NCOR2: variants seen among roughly 807,000 people sequenced by gnomAD.
The protein encoded by NCOR2 is nuclear receptor corepressor 2, also known as CTG repeat protein 26.
In NCOR2, 81 loss-of-function variants were observed where a neutral mutation model predicts 262.9. The observed-to-expected ratio is 0.31, with a 90% CI of 0.26 to 0.37. The LOEUF (loss-of-function observed/expected upper bound fraction) is 0.37, where lower values mean the gene tolerates loss of function less well. NCOR2 is among the 10% of genes least tolerant of loss of function. NCOR2 has a pLI of 1.00. For synonymous variants in NCOR2, 1,659 were observed against 1,559.3 expected, an observed-to-expected ratio of 1.06 and a Z score of -1.51; for missense variants, 3,385 against 3,621.4, an observed-to-expected ratio of 0.93 and a Z score of 1.68.
At chr12:124,379,932 AG>A (rs1374882197) in intron 17 of NCOR2, among the ~76,000 whole-genome samples, 1 of 152,250 alleles carries the variant, frequency 6.6e-6, no homozygotes, top group African/African-American at 2.4e-5. Context: ...AGTCGCTGGA[AG>A]ACGGAAGAGG....
Position 124,325,556 on chromosome 12 carries a change from AG to A in NCOR2, c.7390del (p.Leu2464Ter). The stretch of plus-strand genomic sequence containing the variant: ...GACACCCGCCTGCAGCCGCATGATC[AG>A]GGGGTTGTAGGGGAATGGCGTGGAA... On this transcript the variant is annotated frameshift_variant, in exon 47 of 47. Transcript: ENST00000405201. LOFTEE classifies it high-confidence loss of function. The A allele has an allele frequency of 7.6e-7, 1 of 1,316,954 alleles. No homozygotes were observed. Among genetic ancestry groups the A allele is most frequent in the Non-Finnish European group, 9.8e-7 (1 of 1,024,446 alleles). The allele number at this position is 1,316,954 out of a possible 1,614,324, so 81.6% of individuals were successfully genotyped here.
intron 13 of NCOR2, among the ~76,000 whole-genome samples, chr12:124,411,399 G>A (rs1386459396): frequency 5.9e-5 from 9 of 152,312 alleles, no homozygotes; most frequent in African/African-American, 1.7e-4. Flanking sequence ...AGTCGGGGGC[G>A]GAGCCTCGGC....
intron 1 of NCOR2, among the ~76,000 whole-genome samples, chr12:124,515,726 ATGTT>A (rs912231377): frequency 6.6e-6 from 1 of 150,592 alleles, no homozygotes; most frequent in African/African-American, 2.4e-5. Flanking sequence ...TATGGTGTGT[ATGTT>A]CACAAGTGTG....
intron 13 of NCOR2, among the ~76,000 whole-genome samples, chr12:124,418,671 G>C (rs1021942633): frequency 6.6e-6 from 1 of 151,702 alleles, no homozygotes; most frequent in African/African-American, 2.4e-5. Context: ...CACAAAGTGG[G>C]CTTTAGGCCT....
intron 38 of NCOR2, 149 bp downstream of exon 40, chr12:124,336,604 C>T: frequency 6.9e-7 from 1 of 1,457,264 alleles, no homozygotes; most frequent in East Asian, 2.6e-5. Context: ...ATCTTTGGAC[C>T]ACGAGACGGG....
intron 16 of NCOR2, among the ~76,000 whole-genome samples, chr12:124,396,697 C>T (rs1049421100): frequency 1.3e-5 from 2 of 151,956 alleles, no homozygotes; most frequent in Admixed American, 1.3e-4. Flanking sequence ...AGACTGCCCC[C>T]GGAGGAGCTC....
chr12:124,530,100 C>T (rs1289259402), intron 1 of NCOR2: 1 of 152,118 alleles, frequency 6.6e-6, no homozygotes, highest in Non-Finnish European at 1.5e-5. Context: ...TGTAATATAT[C>T]CACAGAATGA....
chr12:124,531,530 G>T lies in NCOR2; in HGVS notation c.-118+4035C>A, dbSNP rs1329040154. Among the ~76,000 whole-genome samples, 1 of 152,170 alleles carries T rather than the reference G, an allele frequency of 6.6e-6. No individual in the cohort carries two copies. Among genetic ancestry groups the T allele is most frequent in the African/African-American group, 2.4e-5 (1 of 41,432 alleles). ...GGGGTAGGGAGCAGGAAGGAAGGGG[G>T]AGGGGAGGAAGGGATTGCAGGGAGC... On this transcript the variant is annotated intron_variant, in intron 1 of 46. Transcript: ENST00000404621. This position sits in a 1 kb window ranked among gnomAD's most constrained non-coding sequence, Gnocchi z 4.5.
At chr12:124,379,568 G>T (rs1342788219) in intron 17 of NCOR2, among the ~76,000 whole-genome samples, 3 of 152,170 alleles carry the variant, frequency 2.0e-5, no homozygotes, top group Non-Finnish European at 4.4e-5. Flanking sequence ...CCACAGCCTG[G>T]TGTGACGGGG....
chr12:124,458,101 A>C (rs568693630), intron 5 of NCOR2, among the ~76,000 whole-genome samples: 1 of 152,256 alleles, frequency 6.6e-6, no homozygotes, highest in African/African-American at 2.4e-5. Context: ...ACTCAGCTGC[A>C]TTGGGGCAGC....
chr12:124,404,959 G>C (rs923804569), intron 13 of NCOR2, among the ~76,000 whole-genome samples: 5 of 152,242 alleles, frequency 3.3e-5, no homozygotes, highest in Non-Finnish European at 7.3e-5. Flanking sequence ...AAAGCTTCGA[G>C]GTCTCGGAGC....
At position 124,432,476 on chromosome 12, in the gene NCOR2, C is replaced by G. The variant is rs2136367532; in HGVS notation, c.883-1689G>C. 6.6e-6 allele frequency among the ~76,000 whole-genome samples: 1 copy of G among 152,284 alleles called. No individual in the cohort carries two copies. The highest frequency in any genetic ancestry group is 1.9e-4 in the East Asian group (1 of 5,168). ...AATTTAAGAGTCGGGCTCTAGTTCTCCCCAGCCATGCTTCCAGTGTCCAGC... is the reference window on the plus strand; with the variant it reads ...AATTTAAGAGTCGGGCTCTAGTTCTGCCCAGCCATGCTTCCAGTGTCCAGC... On this transcript the variant is annotated intron_variant, in intron 8 of 46. Coordinates refer to ENST00000405201, the Ensembl canonical transcript of NCOR2. This position sits in a 1 kb window ranked among gnomAD's most constrained non-coding sequence, Gnocchi z 5.1.
At chr12:124,450,419 T>C (rs948817786) in intron 6 of NCOR2, among the ~76,000 whole-genome samples, 7 of 152,162 alleles carry the variant, frequency 4.6e-5, no homozygotes, top group Admixed American at 4.6e-4. Context: ...AGCCACTACC[T>C]GGTAACGAAC....
At chr12:124,337,477 C>T (rs2035991745) in intron 37 of NCOR2, among the ~76,000 whole-genome samples, 2 of 152,182 alleles carry the variant, frequency 1.3e-5, no homozygotes, top group Admixed American at 1.3e-4. Context: ...AGCATCTTAC[C>T]ATCTAATTCA....
chr12:124,339,325 A>ATCCG (rs1311679523), intron 37 of NCOR2, among the ~76,000 whole-genome samples: 1 of 133,520 alleles, frequency 7.5e-6, no homozygotes, highest in African/African-American at 3.1e-5. Context: ...CCATCCATCC[A>ATCCG]TCCATCCATC....
chr12:124,406,320 C>T (rs2042272667), intron 13 of NCOR2, among the ~76,000 whole-genome samples: 1 of 152,214 alleles, frequency 6.6e-6, no homozygotes, highest in African/African-American at 2.4e-5. Context: ...TTACCCACAC[C>T]TGCAGGTGCA....
chr12:124,562,453 G>A (rs1052218448), intron 1 of NCOR2, among the ~76,000 whole-genome samples: 2 of 152,206 alleles, frequency 1.3e-5, no homozygotes, highest in African/African-American at 2.4e-5. Flanking sequence ...TTCAAACCCT[G>A]CTCCTTTTTT....
intron 1 of NCOR2, among the ~76,000 whole-genome samples, chr12:124,565,992 C>A (rs1035496606): frequency 1.3e-5 from 2 of 152,038 alleles, no homozygotes; most frequent in African/African-American, 4.8e-5. Context: ...CCCGGAGAGC[C>A]CCTTATATCA....
At chr12:124,417,849 C>T (rs1019799870) in intron 13 of NCOR2, among the ~76,000 whole-genome samples, 1 of 152,124 alleles carries the variant, frequency 6.6e-6, no homozygotes, top group African/African-American at 2.4e-5. Flanking sequence ...TCATCTAGGT[C>T]AGGAGTTCGA....
Sources: allele counts gnomAD v4.1 joint callset (sites outside exome capture counted in the v4.1 genomes callset), GRCh38; gene constraint gnomAD v4.1.1; non-coding constraint Gnocchi (gnomAD v3.1); transcripts MANE v1.5; gene names NCBI Gene and HGNC (gene_info 2026-07-23, HGNC 2026-07-21).